LINGO1: variants seen among roughly 807,000 people sequenced by gnomAD.
LINGO1 encodes leucine-rich repeat and immunoglobulin-like domain-containing nogo receptor-interacting protein 1.
LINGO1 carries 11 observed loss-of-function variants against 37.3 expected under a neutral mutation model. The observed-to-expected ratio is 0.29, with a 90% confidence interval of 0.19 to 0.49. The LOEUF is 0.49. Among genes scored for constraint, LINGO1 ranks in the 20% least tolerant of loss-of-function variants. The pLI is 0.99. For missense variants in LINGO1, 585 were observed against 878.2 expected (o/e 0.67, Z 4.22); for synonymous variants, 387 against 403.0 (o/e 0.96, Z 0.48).
At chr15:77,796,178 T>TC (rs958068455) in intron 1 of LINGO1, 2 of 151,436 alleles carry the variant, frequency 1.3e-5, no homozygotes, top group South Asian at 2.1e-4. Flanking sequence ...AACTCATACA[T>TC]CCCCCCCACA....
chr15:77,748,909 C>CTTTTTTTTTTTTTT (rs67399483), intron 1 of LINGO1, among the ~76,000 whole-genome samples: 1 of 87,792 alleles, frequency 1.1e-5, no homozygotes, highest in Non-Finnish European at 2.2e-5. Flanking sequence ...CCTTCCTTCT[C>CTTTTTTTTTTTTTT]TTTTTTTTTT....
rs149301036 is a variant in LINGO1, at chr15:77,756,298, AG to A, written c.-256-21246del. 9.1e-4 allele frequency among the ~76,000 whole-genome samples: 138 copies of A among 152,322 alleles called. No homozygotes were observed. In the East Asian group the frequency reaches 0.013, roughly 14 times the overall value. ...CCCATAACTCTCATTAAGGTCCACAAGGAAGACTGGGCCCAAAAAAGCTCGG... is the reference window on the plus strand; with the variant it reads ...CCCATAACTCTCATTAAGGTCCACAAGAAGACTGGGCCCAAAAAAGCTCGG... On this transcript the variant is annotated intron_variant, in intron 1 of 3. Coordinates refer to the LINGO1 transcript ENST00000561686.
intron 1 of LINGO1, among the ~76,000 whole-genome samples, chr15:77,762,774 CA>C (rs1283486918): frequency 6.6e-6 from 1 of 152,200 alleles, no homozygotes; most frequent in Non-Finnish European, 1.5e-5. Context: ...ACCCGAGAGA[CA>C]AACCACTTCC....
intron 3 of LINGO1, among the ~76,000 whole-genome samples, chr15:77,672,000 G>GCCGCCTCCTCCTCCTCCTCCT (rs1344106118): frequency 1.3e-3 from 183 of 145,626 alleles, no homozygotes; most frequent in African/African-American, 4.7e-3. Context: ...ATGAGCCTCT[G>GCCGCCTCCTCCTCCTCCTCCT]CCTCCTCCTC....
At chr15:77,686,005 G>A (rs2075503707) in intron 2 of LINGO1, among the ~76,000 whole-genome samples, 1 of 152,296 alleles carries the variant, frequency 6.6e-6, no homozygotes, top group East Asian at 1.9e-4. Context: ...CGGCTGTCTA[G>A]GTGGCTTCTC....
intron 3 of LINGO1, among the ~76,000 whole-genome samples, chr15:77,645,786 G>A (rs915056671): frequency 6.6e-6 from 1 of 152,268 alleles, no homozygotes; most frequent in African/African-American, 2.4e-5. Context: ...GAACTGAAGT[G>A]TAAACAGGAG....
intron 3 of LINGO1, among the ~76,000 whole-genome samples, chr15:77,643,498 C>T (rs576676282): frequency 1.2e-4 from 19 of 152,284 alleles, no homozygotes; most frequent in African/African-American, 3.6e-4. Context: ...GGTTGGATGG[C>T]GGGAGGGAAA....
At chr15:77,659,365 G>A (rs887507419) in intron 3 of LINGO1, among the ~76,000 whole-genome samples, 1 of 149,830 alleles carries the variant, frequency 6.7e-6, no homozygotes, top group Admixed American at 6.7e-5. Context: ...TGCTGAGAGA[G>A]ACAGGTGCAA....
intron 3 of LINGO1, among the ~76,000 whole-genome samples, chr15:77,639,749 C>G (rs2082322209): frequency 1.3e-5 from 2 of 152,138 alleles, no homozygotes; most frequent in Non-Finnish European, 2.9e-5. Context: ...AGTTTAAAAA[C>G]AAGCCCCAAG....
At position 77,677,507 on chromosome 15, in the gene LINGO1, C is replaced by T. The variant is rs184884824; in HGVS notation, c.-98-333G>A. 3.4e-4 allele frequency among the ~76,000 whole-genome samples: 52 copies of T among 152,252 alleles called. No individual in the cohort carries two copies. The East Asian group carries it at 6.6e-3, about 19-fold the overall frequency. On this transcript the variant is annotated intron_variant, in intron 2 of 3. Transcript: ENST00000559893. Reference sequence around the variant, plus strand: ...CCTCTGCAAGTTTTGTTCACGTGCACAGATACACAGATGGACAACCCCACC... The same window carrying T: ...CCTCTGCAAGTTTTGTTCACGTGCATAGATACACAGATGGACAACCCCACC...
rs974692543 is a variant in LINGO1 at position 77,714,944 on chromosome 15, G to T, written c.-195+20048C>A. Among the ~76,000 whole-genome samples the T allele has an allele frequency of 2.0e-5, 3 of 152,320 alleles. No homozygotes were observed. The South Asian group carries it at 6.2e-4, about 32-fold the overall frequency. On this transcript the variant is annotated intron_variant, in intron 2 of 3. Coordinates refer to the LINGO1 transcript ENST00000561686. The stretch of plus-strand genomic sequence containing the variant: ...GTCCCAAGAAGACATTAGCCATAAC[G>T]TGCTAAAATTATCACCTAGTCGAGT...
chr15:77,810,055 C>G (rs1394342301), intron 1 of LINGO1, among the ~76,000 whole-genome samples: 1 of 152,104 alleles, frequency 6.6e-6, no homozygotes, highest in African/African-American at 2.4e-5. Flanking sequence ...ATAAGCCCAA[C>G]AGTAAGCCTG....
chr15:77,699,757 G>T (rs1488677330), upstream of LINGO1, among the ~76,000 whole-genome samples: 1 of 151,356 alleles, frequency 6.6e-6, no homozygotes, highest in Non-Finnish European at 1.5e-5. Context: ...CACACAGTAA[G>T]CACATACTAA....
At chr15:77,738,855 T>G (rs1009204002) in intron 1 of LINGO1, among the ~76,000 whole-genome samples, 1 of 152,094 alleles carries the variant, frequency 6.6e-6, no homozygotes, top group African/African-American at 2.4e-5. Context: ...TCTACCAGAC[T>G]CCGAAGCCTG....
At position 77,770,182 on chromosome 15, in the gene LINGO1, C is replaced by T. The variant is rs78132705; in HGVS notation, c.-257+16687G>A. Among the ~76,000 whole-genome samples, 817 of 152,322 alleles carry T rather than the reference C, an allele frequency of 5.4e-3. 2 individuals carry two copies. The highest frequency in any genetic ancestry group is 9.0e-3 in the Non-Finnish European group (612 of 68,030). On this transcript the variant is annotated intron_variant, in intron 1 of 3. Transcript: ENST00000561686. The stretch of plus-strand genomic sequence containing the variant: ...CAGCAGGCTCCGAAACCAATGCCTT[C>T]TTTCCAAGGAGAGACCATACTAAGT...
At chr15:77,700,027 A>G (rs1368224769), upstream of LINGO1, among the ~76,000 whole-genome samples, 1 of 152,210 alleles carries the variant, frequency 6.6e-6, no homozygotes, top group Non-Finnish European at 1.5e-5. Flanking sequence ...CAGGGATGGT[A>G]GAGGCCCTGC....
chr15:77,710,988 C>T (rs993820517), intron 2 of LINGO1, among the ~76,000 whole-genome samples: 1 of 152,238 alleles, frequency 6.6e-6, no homozygotes, highest in Non-Finnish European at 1.5e-5. Context: ...CCCGCACGGC[C>T]TTGCTTTCTG....
intron 1 of LINGO1, among the ~76,000 whole-genome samples, chr15:77,785,961 AGTGAGGCGG>A (rs1297364102): frequency 2.0e-5 from 3 of 152,172 alleles, no homozygotes; most frequent in Non-Finnish European, 4.4e-5. Context: ...AGGCTCATTC[AGTGAGGCGG>A]GGGAAGGGCA....
At chr15:77,658,599 A>G (rs2074919467) in intron 3 of LINGO1, among the ~76,000 whole-genome samples, 1 of 152,272 alleles carries the variant, frequency 6.6e-6, no homozygotes, top group Non-Finnish European at 1.5e-5. Context: ...AAGAAAAGAA[A>G]GCAGGCAGGC....
Sources: allele counts gnomAD v4.1 joint callset (sites outside exome capture counted in the v4.1 genomes callset), GRCh38; gene constraint gnomAD v4.1.1; transcripts MANE v1.5; gene names NCBI Gene and HGNC (gene_info 2026-07-23, HGNC 2026-07-21).